ATAD1: variants seen among roughly 807,000 people sequenced by gnomAD.
The protein encoded by ATAD1 is outer mitochondrial transmembrane helix translocase.
A neutral mutation model predicts 42.7 loss-of-function variants in ATAD1; 18 were observed. That is an observed-to-expected ratio of 0.42 (90% CI 0.29 to 0.63). The LOEUF (loss-of-function observed/expected upper bound fraction) is 0.63, where lower values mean the gene tolerates loss of function less well. Ranked by LOEUF, ATAD1 falls within the 20% of genes least tolerant of loss-of-function variation. The pLI is 0.19. For synonymous variants in ATAD1, 132 were observed against 143.1 expected (o/e 0.92, Z 0.55); for missense variants, 294 against 440.4 (o/e 0.67, Z 2.98).
At chr10:87,799,785 T>A (rs539212867) in intron 2 of ATAD1, among the ~76,000 whole-genome samples, 70 of 131,660 alleles carry the variant, frequency 5.3e-4, no homozygotes, top group South Asian at 2.3e-3. Context: ...AGAAAAATAT[T>A]TTTTTTTTTA....
chr10:87,780,758 A>T (rs1855525576), intron 5 of ATAD1, among the ~76,000 whole-genome samples: 1 of 152,204 alleles, frequency 6.6e-6, no homozygotes, highest in Non-Finnish European at 1.5e-5. Flanking sequence ...GCATATAGAC[A>T]TATACAGCAT....
At chr10:87,840,367 T>G (rs1349983159) in intron 1 of ATAD1, among the ~76,000 whole-genome samples, 1 of 152,216 alleles carries the variant, frequency 6.6e-6, no homozygotes. Flanking sequence ...GCCCCTGTAG[T>G]CCTAGCTACT....
chr10:87,802,694 TACAA>T (rs983284440), intron 2 of ATAD1, among the ~76,000 whole-genome samples: 117 of 151,130 alleles, frequency 7.7e-4, no homozygotes, highest in Non-Finnish European at 3.7e-4. Context: ...CTGCACTATA[TACAA>T]ACAATCTGGC....
intron 1 of ATAD1, 89 bp downstream of exon 1, chr10:87,818,077 CG>C: frequency 3.0e-6 from 3 of 985,700 alleles, no homozygotes; most frequent in Non-Finnish European, 3.6e-6. Context: ...ACCTTTCCTC[CG>C]GGGGTTCCCA....
chr10:87,790,243 A>G, intron 4 of ATAD1, 67 bp downstream of exon 4: 2 of 1,565,042 alleles, frequency 1.3e-6, no homozygotes, highest in Non-Finnish European at 1.7e-6. Context: ...CTAGTTCTAC[A>G]ATGGCAGAAA....
At chr10:87,818,021 C>T in intron 1 of ATAD1, 146 bp downstream of exon 1, 1 of 985,782 alleles carries the variant, frequency 1.0e-6, no homozygotes, top group Non-Finnish European at 1.2e-6. Context: ...GGCTGCGGGG[C>T]GCTTGGGGGC....
At chr10:87,840,565 T>A (rs1025754311) in intron 1 of ATAD1, among the ~76,000 whole-genome samples, 1 of 152,148 alleles carries the variant, frequency 6.6e-6, no homozygotes, top group Non-Finnish European at 1.5e-5. Context: ...AAATTAGGAG[T>A]GCACATTTGA....
intron 8 of ATAD1, among the ~76,000 whole-genome samples, chr10:87,761,532 T>C (rs770057022): frequency 3.3e-5 from 5 of 151,956 alleles, no homozygotes; most frequent in Admixed American, 1.3e-4. Context: ...GTGTGGTGCA[T>C]GCACCTATAG....
chr10:87,838,942 C>G (rs1426977867), intron 1 of ATAD1, among the ~76,000 whole-genome samples: 1 of 152,200 alleles, frequency 6.6e-6, no homozygotes, highest in Non-Finnish European at 1.5e-5. Context: ...CTTGAGCAGA[C>G]AAATACAATT....
chr10:87,781,259 T>C (rs1855546987), intron 5 of ATAD1, among the ~76,000 whole-genome samples: 1 of 152,072 alleles, frequency 6.6e-6, no homozygotes, highest in South Asian at 2.1e-4. Flanking sequence ...AATAGTATGT[T>C]TAAAATTCTA....
upstream of ATAD1, among the ~76,000 whole-genome samples, chr10:87,822,091 G>A (rs552254340): frequency 1.3e-5 from 2 of 152,256 alleles, no homozygotes; most frequent in South Asian, 4.1e-4. Flanking sequence ...CTTTGAATAA[G>A]TAAACACAGT....
chr10:87,769,919 G>A (rs1194600134), intron 7 of ATAD1, among the ~76,000 whole-genome samples: 1 of 151,914 alleles, frequency 6.6e-6, no homozygotes, highest in African/African-American at 2.4e-5. Context: ...CTCCAGCCTG[G>A]GTGACAGGCA....
At chr10:87,767,203 T>C (rs1057340304) in intron 8 of ATAD1, among the ~76,000 whole-genome samples, 17 of 152,194 alleles carry the variant, frequency 1.1e-4, no homozygotes, top group Non-Finnish European at 2.9e-5. Context: ...CCATAGTTAC[T>C]GAGTTACATA....
At chr10:87,834,244 G>A (rs566361523) in intron 1 of ATAD1, among the ~76,000 whole-genome samples, 1 of 152,082 alleles carries the variant, frequency 6.6e-6, no homozygotes, top group African/African-American at 2.4e-5. Flanking sequence ...GATATTGTAT[G>A]GTTTTTTCTT....
chr10:87,811,226 C>A (rs566919893), intron 2 of ATAD1, among the ~76,000 whole-genome samples: 8 of 151,978 alleles, frequency 5.3e-5, no homozygotes, highest in African/African-American at 1.9e-4. Flanking sequence ...CCAGCTACTC[C>A]GGAGGCTGAG....
At chr10:87,826,866 T>C (rs1404627655) in intron 1 of ATAD1, among the ~76,000 whole-genome samples, 3 of 152,236 alleles carry the variant, frequency 2.0e-5, no homozygotes, top group African/African-American at 7.2e-5. Flanking sequence ...TTTCTTCAGT[T>C]GAATCAATCA....
At chr10:87,786,288 GTATT>G (rs1855829811) in intron 4 of ATAD1, among the ~76,000 whole-genome samples, 1 of 152,148 alleles carries the variant, frequency 6.6e-6, no homozygotes, top group South Asian at 2.1e-4. Context: ...TTAGAACAAA[GTATT>G]TATGCAAAAG....
chr10:87,838,736 T>TTCTC (rs112302394), intron 1 of ATAD1, among the ~76,000 whole-genome samples: 50 of 131,862 alleles, frequency 3.8e-4, no homozygotes, highest in Middle Eastern at 3.7e-3. Context: ...CTCATTCATA[T>TTCTC]TCTCTCTCTC....
At chr10:87,827,576 T>C (rs1857752651) in intron 1 of ATAD1, among the ~76,000 whole-genome samples, 1 of 152,196 alleles carries the variant, frequency 6.6e-6, no homozygotes, top group Non-Finnish European at 1.5e-5. Flanking sequence ...TGATCTGTGA[T>C]CAGTGGATCT....
Sources: allele counts gnomAD v4.1 joint callset (sites outside exome capture counted in the v4.1 genomes callset), GRCh38; gene constraint gnomAD v4.1.1; transcripts MANE v1.5; gene names NCBI Gene and HGNC (gene_info 2026-07-23, HGNC 2026-07-21).